Variants in VWF observed in about 807,000 individuals in gnomAD.
The protein encoded by VWF is Factor VIII related antigen.
VWF carries 176 observed loss-of-function variants against 308.6 expected under a neutral mutation model. The ratio of observed to expected loss-of-function variants is 0.57; its 90% CI spans 0.50 to 0.65. VWF has a LOEUF of 0.65. Among genes scored for constraint, VWF ranks in the 30% least tolerant of loss-of-function variants. VWF has a pLI of 0.00. For synonymous variants in VWF, 1,385 were observed against 1,443.4 expected, an observed-to-expected ratio of 0.96 and a Z score of 0.92; for missense variants, 3,146 against 3,648.2, an observed-to-expected ratio of 0.86 and a Z score of 3.55.
At chr12:6,039,037 T>C (rs1485263322) in intron 18 of VWF, among the ~76,000 whole-genome samples, 1 of 152,176 alleles carries the variant, frequency 6.6e-6, no homozygotes, top group African/African-American at 2.4e-5. Flanking sequence ...AGGGGAGCTG[T>C]GCAGAGAGGC....
At chr12:5,952,642 A>G (rs2136339446) in intron 48 of VWF, 123 bp from the exon 49 acceptor site, 1 of 1,365,364 alleles carries the variant, frequency 7.3e-7, no homozygotes, top group South Asian at 1.2e-5. Context: ...ACAAGAAGAC[A>G]GTGTATAATA....
chr12:6,059,693 T>C (rs1944632390), intron 13 of VWF, among the ~76,000 whole-genome samples: 1 of 152,150 alleles, frequency 6.6e-6, no homozygotes, highest in Non-Finnish European at 1.5e-5. Flanking sequence ...CCCCACCTCG[T>C]AACACCATCA....
chr12:6,076,633 C>T (rs530104791), intron 6 of VWF, among the ~76,000 whole-genome samples: 1 of 152,118 alleles, frequency 6.6e-6, no homozygotes, highest in South Asian at 2.1e-4. Flanking sequence ...GAAAAAAGTG[C>T]AAGAATATCT....
At chr12:6,015,333 C>T (rs1341501685) in intron 31 of VWF, among the ~76,000 whole-genome samples, 1 of 152,212 alleles carries the variant, frequency 6.6e-6, no homozygotes, top group Non-Finnish European at 1.5e-5. Flanking sequence ...TTGAGTAGCT[C>T]ATATGTGACA....
chr12:5,999,341 C>CA (rs1174689234), intron 34 of VWF, among the ~76,000 whole-genome samples: 16 of 150,342 alleles, frequency 1.1e-4, no homozygotes, highest in South Asian at 2.1e-4. Flanking sequence ...GGACTGGGAG[C>CA]AAAAAGAAAT....
chr12:6,067,072 C>A (rs767679952), intron 10 of VWF, among the ~76,000 whole-genome samples: 2 of 152,204 alleles, frequency 1.3e-5, no homozygotes, highest in Non-Finnish European at 2.9e-5. Flanking sequence ...CCACCTTCTC[C>A]GCTGCCCCCT....
Position 6,019,295 on chromosome 12 carries a change from G to C in VWF, c.4123C>G (p.Pro1375Ala). 6.2e-7 allele frequency: 1 copy of C among 1,613,900 alleles called. No individual in the cohort carries two copies. The highest frequency in any genetic ancestry group is 1.1e-5 in the South Asian group (1 of 91,068). ...LFQIFSKIDRPEASRITLLLM... is the reference protein window; with the variant it reads ...LFQIFSKIDRAEASRITLLLM... ...AGCAGGGTGATGCGGGAGGCTTCAG[G>C]GCGGTCGATCTTGCTGAAGATTTGG... is the stretch of plus-strand genomic sequence containing the variant. The change falls in exon 28 of 52, where the codon CCT becomes GCT. Residue 1375 changes from proline (P) to alanine (A), a missense_variant. Physicochemically the swap from Pro to Ala is conservative, Grantham distance 27. This residue lies in a region of VWF where 853 missense variants were observed against 1,177.8 expected (regional missense o/e 0.72). Coordinates refer to ENST00000261405, the MANE Select transcript of VWF (RefSeq NM_000552.5). The surrounding 1 kb of genome is among the most constrained non-coding windows in gnomAD (Gnocchi z 5.8).
At chr12:5,961,761 A>G (rs1020008225) in intron 47 of VWF, among the ~76,000 whole-genome samples, 1 of 152,104 alleles carries the variant, frequency 6.6e-6, no homozygotes, top group Non-Finnish European at 1.5e-5. Context: ...CTAGGTAATA[A>G]GTGTAACAAA....
intron 5 of VWF, among the ~76,000 whole-genome samples, chr12:6,102,821 T>G (rs1945181303): frequency 6.6e-6 from 1 of 152,184 alleles, no homozygotes; most frequent in Non-Finnish European, 1.5e-5. Context: ...CAAAGCAATC[T>G]ACAGATTCAA....
Position 5,987,597 on chromosome 12 carries a change from G to A in VWF, c.6799-1932C>T, listed in dbSNP as rs182022543. Among the ~76,000 whole-genome samples, 155 of 152,280 alleles carry A rather than the reference G, an allele frequency of 1.0e-3. 2 individuals are homozygous for A. The highest frequency in any genetic ancestry group is 3.7e-3 in the African/African-American group (152 of 41,544). The stretch of plus-strand genomic sequence containing the variant: ...CAGGTTGAGGAAATAAGACTCATTC[G>A]TGAAAATCTGAATGAGAAAAATAAA... On this transcript the variant is annotated intron_variant, in intron 38 of 51. Transcript: ENST00000261405.
chr12:5,951,106 C>T (rs1943185399), intron 50 of VWF, among the ~76,000 whole-genome samples: 1 of 152,124 alleles, frequency 6.6e-6, no homozygotes, highest in Non-Finnish European at 1.5e-5. Flanking sequence ...AAATCTTAGT[C>T]CAGGCAAGTA....
intron 9 of VWF, among the ~76,000 whole-genome samples, chr12:6,071,621 T>C (rs1299783223): frequency 6.6e-6 from 1 of 152,114 alleles, no homozygotes; most frequent in Non-Finnish European, 1.5e-5. Context: ...TCTACTCAGA[T>C]ACCAAGAAGT....
At chr12:6,047,082 T>C (rs1944453520) in intron 16 of VWF, among the ~76,000 whole-genome samples, 1 of 152,246 alleles carries the variant, frequency 6.6e-6, no homozygotes, top group East Asian at 1.9e-4. Context: ...AAAAAAATAT[T>C]TCTCTCTCCA....
At chr12:6,067,012 G>A (rs1343141748) in intron 10 of VWF, among the ~76,000 whole-genome samples, 1 of 152,212 alleles carries the variant, frequency 6.6e-6, no homozygotes, top group Non-Finnish European at 1.5e-5. Context: ...CCAGCCCAGA[G>A]GAAATTAGGA....
chr12:6,098,846 C>T (rs1038780123), intron 5 of VWF, among the ~76,000 whole-genome samples: 1 of 151,952 alleles, frequency 6.6e-6, no homozygotes, highest in East Asian at 1.9e-4. Context: ...GAAAAACAGA[C>T]CTGGTGAGTG....
At chr12:6,016,019 C>T in intron 31 of VWF, 70 bp downstream of exon 31, 3 of 1,600,712 alleles carry the variant, frequency 1.9e-6, no homozygotes, top group Non-Finnish European at 2.6e-6. Flanking sequence ...TAACCCCAGC[C>T]CACTTTTAAT....
At chr12:6,102,733 CAA>C (rs56767737) in intron 5 of VWF, among the ~76,000 whole-genome samples, 3,074 of 111,740 alleles carry the variant, frequency 0.028, 90 homozygotes, top group African/African-American at 0.073. Flanking sequence ...GACTCCGTCT[CAA>C]AAAAAAAAAA....
intron 5 of VWF, among the ~76,000 whole-genome samples, chr12:6,107,681 C>T (rs553172439): frequency 5.9e-5 from 9 of 151,748 alleles, no homozygotes; most frequent in African/African-American, 1.9e-4. Flanking sequence ...TTTTTTGAGA[C>T]GGAGTCTCAC....
intron 45 of VWF, 137 bp from the exon 46 acceptor site, chr12:5,968,304 C>A: frequency 9.6e-7 from 1 of 1,043,540 alleles, no homozygotes. Context: ...CCCCCCACCC[C>A]ACAACCCAGC....
Sources: gnomAD v4.1 joint callset for allele counts (sites outside exome capture counted in the v4.1 genomes callset) on GRCh38, gnomAD v4.1.1 for gene constraint, gnomAD v4.1.1 regional missense constraint, Gnocchi (gnomAD v3.1) non-coding constraint, MANE v1.5 for transcripts, NCBI Gene and HGNC (gene_info 2026-07-23, HGNC 2026-07-21) for gene names.